Variants in CREB3L2 observed in about 807,000 individuals in gnomAD.
The protein encoded by CREB3L2 is cAMP responsive element binding protein 3 like 2.
In CREB3L2, 23 loss-of-function variants were observed where a neutral mutation model predicts 57.2. The ratio of observed to expected loss-of-function variants is 0.40; its 90% CI spans 0.29 to 0.57. The LOEUF (loss-of-function observed/expected upper bound fraction) is 0.57. CREB3L2 is among the 20% of genes least tolerant of loss of function. CREB3L2 has a pLI of 0.42. For synonymous variants in CREB3L2, 268 were observed against 265.1 expected (o/e 1.01, Z -0.11); for missense variants, 628 against 634.7 (o/e 0.99, Z 0.11).
chr7:137,946,892 A>ATATATAGT (rs1801001002), intron 1 of CREB3L2, among the ~76,000 whole-genome samples: 1 of 47,286 alleles, frequency 2.1e-5, no homozygotes, highest in African/African-American at 1.1e-4. Flanking sequence ...ATATAGTTAT[A>ATATATAGT]TATATAGTTA....
intron 8 of CREB3L2, among the ~76,000 whole-genome samples, chr7:137,894,981 T>A (rs1799597429): frequency 6.6e-6 from 1 of 152,224 alleles, no homozygotes; most frequent in South Asian, 2.1e-4. Flanking sequence ...ATAAGGTGAT[T>A]AGCAGTTCAA....
intron 1 of CREB3L2, among the ~76,000 whole-genome samples, chr7:137,984,783 C>A (rs997394940): frequency 1.3e-5 from 2 of 152,146 alleles, no homozygotes; most frequent in Middle Eastern, 3.2e-3. Flanking sequence ...ATTTTTCTTT[C>A]GGTTGGCAAA....
intron 1 of CREB3L2, among the ~76,000 whole-genome samples, chr7:137,948,244 T>C (rs1801036202): frequency 6.6e-6 from 1 of 152,256 alleles, no homozygotes; most frequent in Non-Finnish European, 1.5e-5. Context: ...ATAGATGCTG[T>C]CTTGCAGCTC....
Position 137,908,402 on chromosome 7 carries a change from A to G in CREB3L2, c.618T>C (p.Pro206=), listed in dbSNP as rs1799937387. The G allele has an allele frequency of 7.9e-7, 1 of 1,266,194 alleles. No homozygotes were observed. The highest frequency in any genetic ancestry group is 1.5e-5 in the African/African-American group (1 of 64,574). 78.4% of individuals were successfully genotyped at this position (1,266,194 alleles called of 1,614,324 possible). ...CTGAGTCACTGCCGTGACTGCTCGG[A>G]GGGGTGGGCGGCAAATGCAGGTGGT... ...PVDHLHLPPT[P]PSSHGSDSEG... Residue 206 remains proline (P), a synonymous_variant, in exon 5 of 12, where the codon CCT becomes CCC. Coordinates refer to ENST00000330387, the MANE Select transcript of CREB3L2 (RefSeq NM_194071.4).
intron 1 of CREB3L2, among the ~76,000 whole-genome samples, chr7:137,949,624 A>G (rs552145824): frequency 6.6e-6 from 1 of 152,306 alleles, no homozygotes; most frequent in East Asian, 1.9e-4. Flanking sequence ...ACTTTATTCA[A>G]CAGCTAACAC....
intron 1 of CREB3L2, among the ~76,000 whole-genome samples, chr7:137,974,712 C>T (rs907176119): frequency 9.9e-5 from 15 of 152,140 alleles, no homozygotes; most frequent in Non-Finnish European, 4.4e-5. Context: ...GAGGGAAGAG[C>T]CACAGGACTG....
intron 8 of CREB3L2, among the ~76,000 whole-genome samples, chr7:137,900,335 T>C (rs571033874): frequency 6.6e-6 from 1 of 152,334 alleles, no homozygotes; most frequent in East Asian, 1.9e-4. Flanking sequence ...ATGATAATAA[T>C]GGCATCTCAT....
intron 1 of CREB3L2, among the ~76,000 whole-genome samples, chr7:137,954,577 G>A (rs998035235): frequency 6.6e-6 from 1 of 152,150 alleles, no homozygotes; most frequent in Non-Finnish European, 1.5e-5. Flanking sequence ...TTATGCTTGC[G>A]TCCAAACTAC....
chr7:137,885,487 T>G lies in CREB3L2; in HGVS notation c.1059A>C (p.Gln353His), dbSNP rs200425854. 1 of 1,613,734 alleles carries G rather than the reference T, an allele frequency of 6.2e-7. No homozygotes were observed. The highest frequency in any genetic ancestry group is 1.3e-5 in the African/African-American group (1 of 74,960). The change falls in exon 9 of 12, where the codon CAA becomes CAC. Residue 353 changes from glutamine (Q) to histidine (H), a missense_variant. By Grantham distance (24) the Gln-to-His change is conservative. Transcript: ENST00000330387. Reference protein sequence around the residue: ...LENTNRTLLQQLQKLQTLVMG... With the variant: ...LENTNRTLLQHLQKLQTLVMG... ...TCACCAAAGTCTGAAGCTTCTGGAG[T>G]TGCTGAAGGAGAGTCCTGCCAATGA...
intron 1 of CREB3L2, among the ~76,000 whole-genome samples, chr7:137,991,626 G>T (rs1801897693): frequency 6.6e-6 from 1 of 152,112 alleles, no homozygotes; most frequent in East Asian, 1.9e-4. Context: ...AAAAGGCACG[G>T]CCGAGCACAG....
chr7:137,901,682 CA>C (rs769293528), intron 7 of CREB3L2, among the ~76,000 whole-genome samples: 25 of 151,132 alleles, frequency 1.7e-4, no homozygotes, highest in Non-Finnish European at 3.2e-4. Flanking sequence ...AGATAGAGAC[CA>C]TCCTGGCCGA....
Position 137,972,684 on chromosome 7 carries a change from C to CAAAAAAAA in CREB3L2, c.102+28912_102+28919dup, listed in dbSNP as rs58627909. ...CAACACAGTGAGATCCCCGTCTCTA[C>CAAAAAAAA]AAAAAAAAAAAAAAAAAAAAAAAAA... On this transcript the variant is annotated intron_variant, in intron 1 of 11. Transcript: ENST00000330387. Among the ~76,000 whole-genome samples the CAAAAAAAA allele has an allele frequency of 2.6e-3, 25 of 9,614 alleles. 3 individuals are homozygous for CAAAAAAAA. The highest frequency in any genetic ancestry group is 0.016 in the East Asian group (3 of 184). The allele number at this position is 9,614 out of a possible 152,430, so 6.3% of individuals were successfully genotyped here. A position where few individuals can be genotyped will look rare whatever the true frequency, so the allele number is the denominator to read the frequency against.
Position 137,876,331 on chromosome 7 carries a change from CGTGTGTGTGTGTGTGT to C in CREB3L2, c.*4129_*4144del, listed in dbSNP as rs10534110. On this transcript the variant is annotated 3_prime_UTR_variant, in exon 12 of 12. Coordinates refer to ENST00000330387, the MANE Select transcript of CREB3L2 (RefSeq NM_194071.4). ...TGAGCATGTAAGGGAGGAATGTGCA[CGTGTGTGTGTGTGTGT>C]GTGTGTGTGTGTGTGTGTGTGTCAG... 3 of 223,176 alleles carry C rather than the reference CGTGTGTGTGTGTGTGT, an allele frequency of 1.3e-5. No individual in the cohort carries two copies. The highest frequency in any genetic ancestry group is 4.6e-5 in the African/African-American group (2 of 43,518). 13.8% of individuals were successfully genotyped at this position (223,176 alleles called of 1,614,324 possible). A position where few individuals can be genotyped will look rare whatever the true frequency, so the allele number is the denominator to read the frequency against.
rs1487070885 is a variant in CREB3L2 at position 137,966,703 on chromosome 7, CAT to C, written c.102+34899_102+34900del. ...GTAGGTAGAAAGGAAGGACCTATGC[CAT>C]ATGAGAGTTCATCAAAGCTCCCCTG... On this transcript the variant is annotated intron_variant, in intron 1 of 11. Transcript: ENST00000330387. Among the ~76,000 whole-genome samples, 8 of 152,252 alleles carry C rather than the reference CAT, an allele frequency of 5.3e-5. 1 individual carries two copies. In the South Asian group the frequency reaches 1.7e-3, roughly 32 times the overall value.
At chr7:137,963,123 G>A (rs1322557059) in intron 1 of CREB3L2, among the ~76,000 whole-genome samples, 3 of 152,094 alleles carry the variant, frequency 2.0e-5, no homozygotes, top group East Asian at 1.9e-4. Context: ...AGCCTGCAAC[G>A]CCTGGAAAGT....
chr7:137,960,062 T>C (rs1801293688), intron 1 of CREB3L2, among the ~76,000 whole-genome samples: 1 of 152,160 alleles, frequency 6.6e-6, no homozygotes, highest in South Asian at 2.1e-4. Context: ...CTTTACTAGG[T>C]GCTTTTAACA....
Position 137,939,799 on chromosome 7 carries a change from T to G in CREB3L2, c.103-11433A>C, listed in dbSNP as rs145836436. Reference sequence around the variant, plus strand: ...TTTTCTCCACTTCTATCCCCGAGTCTAGACTCTACCCCCGCAATCTTGGAT... The same window carrying G: ...TTTTCTCCACTTCTATCCCCGAGTCGAGACTCTACCCCCGCAATCTTGGAT... On this transcript the variant is annotated intron_variant, in intron 1 of 11. Transcript: ENST00000330387. 1.9e-3 allele frequency among the ~76,000 whole-genome samples: 285 copies of G among 152,290 alleles called. 3 individuals carry two copies. Among genetic ancestry groups the G allele is most frequent in the Middle Eastern group, 3.4e-3 (1 of 294 alleles).
At chr7:137,916,897 T>C (rs1800150323) in intron 2 of CREB3L2, among the ~76,000 whole-genome samples, 1 of 152,192 alleles carries the variant, frequency 6.6e-6, no homozygotes, top group Non-Finnish European at 1.5e-5. Flanking sequence ...TGAGTAGGTC[T>C]CTCTCTCCTT....
chr7:137,936,923 C>A (rs546724531), intron 1 of CREB3L2, among the ~76,000 whole-genome samples: 3 of 152,154 alleles, frequency 2.0e-5, no homozygotes, highest in Non-Finnish European at 4.4e-5. Flanking sequence ...TTCTGCCTCC[C>A]GGGTTTGTTT....
Sources: gnomAD v4.1 joint callset for allele counts (sites outside exome capture counted in the v4.1 genomes callset) on GRCh38, gnomAD v4.1.1 for gene constraint, MANE v1.5 for transcripts, NCBI Gene and HGNC (gene_info 2026-07-23, HGNC 2026-07-21) for gene names.